Variants in CERKL observed in about 807,000 individuals in gnomAD.
CERKL encodes the protein ceramide kinase-like protein.
A neutral mutation model predicts 63.4 loss-of-function variants in CERKL; 61 were observed. That is an observed-to-expected ratio of 0.96 (90% CI 0.78 to 1.19). The LOEUF is 1.19. Among genes scored for constraint, CERKL ranks in the 50% most tolerant of loss-of-function variants. CERKL has a pLI of 0.00. For missense variants in CERKL, 675 were observed against 655.5 expected (o/e 1.03, Z -0.33); for synonymous variants, 250 against 230.5 (o/e 1.08, Z -0.77).
chr2:181,621,754 T>C (rs932247296), intron 1 of CERKL, among the ~76,000 whole-genome samples: 2 of 152,212 alleles, frequency 1.3e-5, no homozygotes, highest in African/African-American at 2.4e-5. Context: ...AGGTACATTA[T>C]GTAGCATGTA....
chr2:181,570,501 C>T (rs1223793291), intron 3 of CERKL, among the ~76,000 whole-genome samples: 2 of 152,098 alleles, frequency 1.3e-5, no homozygotes, highest in African/African-American at 2.4e-5. Flanking sequence ...ATGGGCTTAT[C>T]GTTCATACTC....
At chr2:181,651,602 T>C (rs1687942420) in intron 1 of CERKL, among the ~76,000 whole-genome samples, 1 of 152,096 alleles carries the variant, frequency 6.6e-6, no homozygotes, top group South Asian at 2.1e-4. Flanking sequence ...AATTCTAAGA[T>C]CAATAACAAG....
intron 1 of CERKL, among the ~76,000 whole-genome samples, chr2:181,653,003 G>A (rs1688004595): frequency 6.6e-6 from 1 of 152,154 alleles, no homozygotes; most frequent in Non-Finnish European, 1.5e-5. Context: ...TCGATCTTCT[G>A]ACCTCGTGAT....
chr2:181,626,135 C>T (rs1237354882), intron 1 of CERKL, among the ~76,000 whole-genome samples: 1 of 152,008 alleles, frequency 6.6e-6, no homozygotes, highest in Non-Finnish European at 1.5e-5. Flanking sequence ...AAAAAACCAC[C>T]CTTCAATTAC....
chr2:181,539,358 C>G lies in CERKL; in HGVS notation c.1366-94G>C, dbSNP rs1687382983. The G allele has an allele frequency of 6.2e-6, 5 of 803,732 alleles. No individual in the cohort carries two copies. The East Asian group carries it at 1.3e-4, about 20-fold the overall frequency. 49.8% of individuals were successfully genotyped at this position (803,732 alleles called of 1,614,324 possible). ...TGAGCCCTCTCTCACAAGTAAATAT[C>G]AGCATGTATGCTGACATTTTAATAG... On this transcript the variant is annotated intron_variant, in intron 11 of 12. Transcript: ENST00000410087.
rs1688613030 is a variant in CERKL at position 181,565,312 on chromosome 2, TC to T, written c.677+745del. On this transcript the variant is annotated intron_variant, in intron 4 of 12. Transcript: ENST00000410087. ...ACTTTTTAAATTCTCAAATATCTAC[TC>T]ACGTAAAAAGAACTTCCCTAAAGGA... 4.0e-5 allele frequency: 29 copies of T among 722,428 alleles called. No individual in the cohort carries two copies. The South Asian group carries it at 4.3e-4, about 11-fold the overall frequency. 44.8% of individuals were successfully genotyped at this position (722,428 alleles called of 1,614,324 possible).
In CERKL at chr2:181,603,614, A is replaced by G. The variant is rs1323677903; in HGVS notation, c.481+223T>C. On this transcript the variant is annotated intron_variant, in intron 2 of 12. Coordinates refer to ENST00000410087, the MANE Select transcript of CERKL (RefSeq NM_201548.5). The stretch of plus-strand genomic sequence containing the variant: ...GATGTTAAACATATGAAAATCAATT[A>G]ATATAAGATACCACATTAACAGGAT... The G allele has an allele frequency of 7.3e-6, 4 of 547,178 alleles. No homozygotes were observed. The East Asian group carries it at 1.4e-4, about 20-fold the overall frequency. The allele number at this position is 547,178 out of a possible 1,614,324, so 33.9% of individuals were successfully genotyped here. A position where few individuals can be genotyped will look rare whatever the true frequency, so the allele number is the denominator to read the frequency against.
At chr2:181,602,678 T>C (rs958163141) in intron 2 of CERKL, among the ~76,000 whole-genome samples, 1 of 152,304 alleles carries the variant, frequency 6.6e-6, no homozygotes, top group South Asian at 2.1e-4. Flanking sequence ...TTTGATCAAC[T>C]TGGGTCCTCA....
At chr2:181,595,222 T>TTCAAG (rs1553518372) in intron 2 of CERKL, among the ~76,000 whole-genome samples, 5 of 151,754 alleles carry the variant, frequency 3.3e-5, no homozygotes, top group African/African-American at 9.7e-5. Context: ...TTAAAATTCC[T>TTCAAG]TTAACAAAAA....
chr2:181,597,199 T>G (rs1246135864), intron 2 of CERKL, among the ~76,000 whole-genome samples: 1 of 152,202 alleles, frequency 6.6e-6, no homozygotes, highest in Non-Finnish European at 1.5e-5. Context: ...TATTCTTTTA[T>G]TGAGCAAATT....
At chr2:181,626,466 CAGGACAGTT>C (rs1274626271) in intron 1 of CERKL, among the ~76,000 whole-genome samples, 1 of 152,146 alleles carries the variant, frequency 6.6e-6, no homozygotes, top group African/African-American at 2.4e-5. Flanking sequence ...CCTAATTGTA[CAGGACAGTT>C]AGCAGGTGGG....
rs1440696782 is a variant in CERKL, at chr2:181,549,632, A to T, written c.895+2T>A. 1 of 1,597,496 alleles carries T rather than the reference A, an allele frequency of 6.3e-7. No homozygotes were observed. The highest frequency in any genetic ancestry group is 1.3e-5 in the African/African-American group (1 of 74,568). On this transcript the variant is annotated splice_donor_variant, in intron 6 of 12. Coordinates refer to ENST00000410087, the MANE Select transcript of CERKL (RefSeq NM_201548.5). LOFTEE classifies it high-confidence loss of function. ...TATGAACTGCTTTGGAAGAATTCTTACCCATTATAATGTGCAATGTTGCAG... is the reference window on the plus strand; with the variant it reads ...TATGAACTGCTTTGGAAGAATTCTTTCCCATTATAATGTGCAATGTTGCAG...
intron 5 of CERKL, among the ~76,000 whole-genome samples, chr2:181,552,932 G>A (rs998108392): frequency 6.6e-6 from 1 of 152,146 alleles, no homozygotes; most frequent in African/African-American, 2.4e-5. Context: ...TTCAGAGTCT[G>A]CAATTTATTA....
intron 11 of CERKL, among the ~76,000 whole-genome samples, chr2:181,540,334 A>G (rs1026742056): frequency 2.0e-5 from 3 of 152,208 alleles, no homozygotes; most frequent in African/African-American, 7.2e-5. Flanking sequence ...CATTCATGTT[A>G]GTTGATAATT....
In CERKL at chr2:181,537,803, T is replaced by C; in HGVS notation, c.*381A>G. 4.3e-6 allele frequency: 2 copies of C among 466,316 alleles called. No individual in the cohort carries two copies. The highest frequency in any genetic ancestry group is 4.2e-6 in the Non-Finnish European group (1 of 236,042). The allele number at this position is 466,316 out of a possible 1,614,324, so 28.9% of individuals were successfully genotyped here. ...TGAATTGATATTTCATCTTGACTTT[T>C]AAAGCCCTAGAGGCTAATTGTTAGT... On this transcript the variant is annotated 3_prime_UTR_variant, in exon 13 of 13. Coordinates refer to ENST00000410087, the MANE Select transcript of CERKL (RefSeq NM_201548.5).
intron 12 of CERKL, 72 bp from the exon 13 acceptor site, chr2:181,538,316 C>A (rs1042887224): frequency 2.5e-5 from 20 of 803,804 alleles, no homozygotes; most frequent in Non-Finnish European, 3.9e-5. Flanking sequence ...GTATGGTACA[C>A]AATGCCAATG....
chr2:181,636,732 C>T (rs938197071), intron 1 of CERKL, among the ~76,000 whole-genome samples: 1 of 152,084 alleles, frequency 6.6e-6, no homozygotes, highest in African/African-American at 2.4e-5. Context: ...TTGCTAACTC[C>T]AAATCATACT....
chr2:181,609,020 C>G (rs1685841227), intron 1 of CERKL, among the ~76,000 whole-genome samples: 3 of 152,090 alleles, frequency 2.0e-5, no homozygotes, highest in Admixed American at 6.5e-5. Context: ...AAGAGCCATT[C>G]AAAATCTACT....
intron 12 of CERKL, among the ~76,000 whole-genome samples, 159 bp from the exon 13 acceptor site, chr2:181,538,403 A>T (rs904970342): frequency 6.6e-6 from 1 of 152,176 alleles, no homozygotes; most frequent in Non-Finnish European, 1.5e-5. Flanking sequence ...CTGATTGATA[A>T]ATCATCAACA....
Sources: allele counts gnomAD v4.1 joint callset (sites outside exome capture counted in the v4.1 genomes callset), GRCh38; gene constraint gnomAD v4.1.1; transcripts MANE v1.5; gene names NCBI Gene and HGNC (gene_info 2026-07-23, HGNC 2026-07-21).